Variants in CSMD1 observed in about 807,000 individuals in gnomAD.
CSMD1 encodes CUB and sushi domain-containing protein 1.
In CSMD1, 213 loss-of-function variants were observed where a neutral mutation model predicts 417.5. The ratio of observed to expected loss-of-function variants is 0.51; its 90% confidence interval spans 0.46 to 0.57. The LOEUF (loss-of-function observed/expected upper bound fraction) is 0.57. Among genes scored for constraint, CSMD1 ranks in the 20% least tolerant of loss-of-function variants. The pLI, the probability that CSMD1 is intolerant of heterozygous loss-of-function variation, is 0.00. For missense variants in CSMD1, 6,923 were observed against 4,529.7 expected (o/e 1.53, Z -15.17); for synonymous variants, 2,862 against 1,736.8 (o/e 1.65, Z -16.11).
intron 1 of CSMD1, among the ~76,000 whole-genome samples, chr8:4,964,455 G>C (rs1585419880): frequency 1.5e-5 from 2 of 134,574 alleles, no homozygotes; most frequent in East Asian, 4.7e-4. Flanking sequence ...GGAGGTCGAG[G>C]CTGCAGTGAA....
At chr8:4,653,786 G>C (rs747939654) in intron 1 of CSMD1, among the ~76,000 whole-genome samples, 22 of 152,078 alleles carry the variant, frequency 1.4e-4, no homozygotes, top group Non-Finnish European at 2.6e-4. Flanking sequence ...ATATTATTTT[G>C]AATTTGAAGG....
intron 1 of CSMD1, among the ~76,000 whole-genome samples, chr8:4,709,556 C>G (rs1015936125): frequency 1.1e-4 from 16 of 152,184 alleles, no homozygotes; most frequent in Non-Finnish European, 2.1e-4. Context: ...GAGCCTCTGT[C>G]GTTGCTCACC....
At chr8:4,038,908 C>A (rs1275760079) in intron 3 of CSMD1, among the ~76,000 whole-genome samples, 3 of 152,112 alleles carry the variant, frequency 2.0e-5, no homozygotes, top group African/African-American at 7.2e-5. Context: ...AAAATTCCCT[C>A]CGTAACACTT....
At chr8:4,092,214 T>G (rs962881062) in intron 3 of CSMD1, among the ~76,000 whole-genome samples, 15 of 152,166 alleles carry the variant, frequency 9.9e-5, no homozygotes, top group African/African-American at 3.6e-4. Context: ...GATAACTATT[T>G]AAGGTCATCC....
intron 2 of CSMD1, among the ~76,000 whole-genome samples, chr8:4,524,100 A>C (rs1240330443): frequency 1.3e-5 from 2 of 152,170 alleles, no homozygotes; most frequent in African/African-American, 4.8e-5. Context: ...AATAGTCCCA[A>C]GAAAAAACTC....
intron 5 of CSMD1, among the ~76,000 whole-genome samples, chr8:3,914,078 G>A (rs1199470219): frequency 1.3e-5 from 2 of 152,096 alleles, no homozygotes; most frequent in Non-Finnish European, 2.9e-5. Context: ...ACAATAAAGA[G>A]TCATATTTGA....
At chr8:4,346,741 T>C (rs1051760296) in intron 3 of CSMD1, among the ~76,000 whole-genome samples, 4 of 152,148 alleles carry the variant, frequency 2.6e-5, no homozygotes, top group African/African-American at 9.6e-5. Context: ...GATATAAAAA[T>C]AAATTAACAG....
chr8:3,515,841 G>T (rs1384009409), intron 10 of CSMD1, among the ~76,000 whole-genome samples: 3 of 152,182 alleles, frequency 2.0e-5, no homozygotes, highest in African/African-American at 7.2e-5. Flanking sequence ...CATACGGAAA[G>T]AAAACTGGAC....
At chr8:4,190,439 G>A (rs1340498733) in intron 3 of CSMD1, among the ~76,000 whole-genome samples, 2 of 151,892 alleles carry the variant, frequency 1.3e-5, no homozygotes, top group East Asian at 1.9e-4. Context: ...AATGTGAATT[G>A]CTTAGAATAA....
Position 4,667,199 on chromosome 8 carries a change from T to C in CSMD1, c.86-29641A>G, listed in dbSNP as rs147835126. On this transcript the variant is annotated intron_variant, in intron 1 of 69. Coordinates refer to ENST00000635120, the MANE Select transcript of CSMD1 (RefSeq NM_033225.6). ...TATTTGTGGACTCTATTTTGTTCCA[T>C]AGATTATATCTATCTATCTATCATG... Among the ~76,000 whole-genome samples the C allele has an allele frequency of 7.6e-3, 1,161 of 152,314 alleles. 12 individuals are homozygous for C. The highest frequency in any genetic ancestry group is 0.025 in the African/African-American group (1,052 of 41,566).
intron 3 of CSMD1, among the ~76,000 whole-genome samples, chr8:4,108,781 C>T (rs916211622): frequency 8.6e-5 from 13 of 151,704 alleles, no homozygotes; most frequent in African/African-American, 3.1e-4. Flanking sequence ...TCTGAAATAT[C>T]TTGATTCTAA....
intron 47 of CSMD1, among the ~76,000 whole-genome samples, chr8:3,092,829 A>G (rs1389894860): frequency 6.6e-6 from 1 of 152,196 alleles, no homozygotes; most frequent in Non-Finnish European, 1.5e-5. Flanking sequence ...ATACTCGTAA[A>G]AGCGTTCATG....
At chr8:3,535,127 T>A (rs895901330) in intron 10 of CSMD1, among the ~76,000 whole-genome samples, 8 of 151,172 alleles carry the variant, frequency 5.3e-5, no homozygotes, top group Non-Finnish European at 7.4e-5. Flanking sequence ...TTTTTTTTTT[T>A]AATTTATATA....
chr8:4,004,353 A>C (rs1374440140), intron 4 of CSMD1, among the ~76,000 whole-genome samples: 1 of 151,986 alleles, frequency 6.6e-6, no homozygotes. Flanking sequence ...GTATATCCAC[A>C]AACAATATAT....
chr8:3,590,738 C>G (rs899364668), intron 8 of CSMD1, among the ~76,000 whole-genome samples: 6 of 152,132 alleles, frequency 3.9e-5, no homozygotes, highest in African/African-American at 1.2e-4. Flanking sequence ...TGTGGGTAAA[C>G]GCCATTCCAG....
chr8:3,262,381 A>G (rs1034717423), intron 26 of CSMD1, among the ~76,000 whole-genome samples: 1 of 151,432 alleles, frequency 6.6e-6, no homozygotes, highest in Admixed American at 6.6e-5. Context: ...GTAAATCTGA[A>G]GATGACAGTA....
At chr8:4,294,984 TC>T (rs1379225385) in intron 3 of CSMD1, among the ~76,000 whole-genome samples, 4 of 150,558 alleles carry the variant, frequency 2.7e-5, no homozygotes, top group Non-Finnish European at 4.4e-5. Flanking sequence ...TTTTGCCAAG[TC>T]ACCTGATCTG....
chr8:3,865,435 G>A (rs1356738299), intron 5 of CSMD1, among the ~76,000 whole-genome samples: 1 of 152,046 alleles, frequency 6.6e-6, no homozygotes, highest in African/African-American at 2.4e-5. Context: ...AGACTGTGAG[G>A]GCTCAGAGGC....
At chr8:3,707,174 G>C (rs1289598428) in intron 7 of CSMD1, among the ~76,000 whole-genome samples, 1 of 152,180 alleles carries the variant, frequency 6.6e-6, no homozygotes, top group Non-Finnish European at 1.5e-5. Context: ...AAATCCTAAA[G>C]TGATAAAGAT....
Sources: gnomAD v4.1 joint callset for allele counts (sites outside exome capture counted in the v4.1 genomes callset) on GRCh38, gnomAD v4.1.1 for gene constraint, MANE v1.5 for transcripts, NCBI Gene and HGNC (gene_info 2026-07-23, HGNC 2026-07-21) for gene names.